The following HSD17B6 variants were observed in gnomAD, a reference collection of about 807,000 sequenced individuals.
HSD17B6 encodes the protein 17-beta-hydroxysteroid dehydrogenase type 6.
Under a neutral mutation model 26.4 loss-of-function variants are expected in HSD17B6, and 16 were observed. That is an observed-to-expected ratio of 0.61 (90% confidence interval 0.41 to 0.92). The LOEUF (loss-of-function observed/expected upper bound fraction) is 0.92. Among genes scored for constraint, HSD17B6 ranks in the 40% least tolerant of loss-of-function variants. The pLI is 0.00. For missense variants in HSD17B6, 357 were observed against 386.1 expected, an observed-to-expected ratio of 0.92 and a Z score of 0.63; for synonymous variants, 139 against 153.0, an observed-to-expected ratio of 0.91 and a Z score of 0.68.
chr12:56,787,190 A>G lies in HSD17B6; in HGVS notation c.802A>G (p.Met268Val), dbSNP rs773601449. Residue 268 changes from methionine (M) to valine (V), a missense_variant, in exon 5 of 5, where the codon ATG becomes GTG. By Grantham distance (21) the Met-to-Val change is conservative (BLOSUM62 1). Transcript: ENST00000322165. ...STNLNLVTDC[M>V]EHALTSVHPR... ...AAACCTGAACCTGGTCACTGACTGC[A>G]TGGAACATGCTCTGACATCGGTGCA... The G allele has an allele frequency of 1.2e-6, 2 of 1,614,242 alleles. No individual in the cohort carries two copies. The highest frequency in any genetic ancestry group is 1.7e-5 in the Admixed American group (1 of 60,030).
At chr12:56,767,820 TG>T (rs1954376140) in intron 1 of HSD17B6, among the ~76,000 whole-genome samples, 2 of 147,206 alleles carry the variant, frequency 1.4e-5, no homozygotes, top group South Asian at 4.2e-4. Context: ...ATAATATATA[TG>T]TGTGTATATA....
chr12:56,781,624 A>C (rs760020122), intron 2 of HSD17B6, among the ~76,000 whole-genome samples: 3 of 152,118 alleles, frequency 2.0e-5, no homozygotes, highest in Non-Finnish European at 4.4e-5. Context: ...CAACATGGTG[A>C]AACCCCATCT....
rs1386868285 is a variant in HSD17B6 at position 56,787,286 on chromosome 12, T to C, written c.898T>C (p.Ser300Pro). 6.2e-7 allele frequency: 1 copy of C among 1,614,018 alleles called. No individual in the cohort carries two copies. The highest frequency in any genetic ancestry group is 1.7e-5 in the Admixed American group (1 of 59,990). Residue 300 changes from serine (S) to proline (P), a missense_variant, in exon 5 of 5, where the codon TCA (serine) becomes CCA (proline). By Grantham distance (74) the Ser-to-Pro change is moderately conservative. Coordinates refer to ENST00000322165, the MANE Select transcript of HSD17B6 (RefSeq NM_003725.4). ...CATCCCTCTATCTTATTTACCTACATCACTGGCAGACTACATTTTGACTAG... is the reference window on the plus strand; with the variant it reads ...CATCCCTCTATCTTATTTACCTACACCACTGGCAGACTACATTTTGACTAG... ...FFIPLSYLPT[S>P]LADYILTRSW...
chr12:56,783,540 G>A (rs1334548713), intron 3 of HSD17B6, among the ~76,000 whole-genome samples: 3 of 143,656 alleles, frequency 2.1e-5, no homozygotes, highest in Non-Finnish European at 4.6e-5. Flanking sequence ...CGGGCGGGGG[G>A]CTGAACCCCC....
At chr12:56,764,706 A>G (rs1954284886) in intron 1 of HSD17B6, among the ~76,000 whole-genome samples, 1 of 152,218 alleles carries the variant, frequency 6.6e-6, no homozygotes, top group African/African-American at 2.4e-5. Context: ...CCCATTTTGA[A>G]CACGAGCACA....
chr12:56,774,029 G>C lies in HSD17B6; in HGVS notation c.177G>C (p.Ala59=). The part of the protein sequence containing the change: ...LDARGLRVLA[A]CLTEKGAEQL... Reference sequence around the variant, plus strand: ...CACGAGGCTTGAGAGTGCTGGCTGCGTGTCTGACGGAGAAGGGGGCCGAGC... The same window carrying C: ...CACGAGGCTTGAGAGTGCTGGCTGCCTGTCTGACGGAGAAGGGGGCCGAGC... The change falls in exon 2 of 5, where the codon GCG becomes GCC. Residue 59 remains alanine, a synonymous_variant. Transcript: ENST00000322165. 1.2e-6 allele frequency: 2 copies of C among 1,614,138 alleles called. No homozygotes were observed. The highest frequency in any genetic ancestry group is 1.7e-6 in the Non-Finnish European group (2 of 1,180,010).
chr12:56,763,638 T>C (rs927634879), intron 1 of HSD17B6, among the ~76,000 whole-genome samples: 1 of 152,090 alleles, frequency 6.6e-6, no homozygotes, highest in Non-Finnish European at 1.5e-5. Flanking sequence ...GGGAGAGTAC[T>C]GGTTACAAGT....
intron 1 of HSD17B6, among the ~76,000 whole-genome samples, chr12:56,764,009 C>G (rs1954263667): frequency 8.2e-6 from 1 of 121,888 alleles, no homozygotes; most frequent in African/African-American, 3.2e-5. Flanking sequence ...GTCGAGGCTA[C>G]AGTGAGCTGT....
In HSD17B6 at chr12:56,784,296, A is replaced by T. The variant is rs552036310; in HGVS notation, c.573-557A>T. On this transcript the variant is annotated intron_variant, in intron 3 of 4. Coordinates refer to ENST00000322165, the MANE Select transcript of HSD17B6 (RefSeq NM_003725.4). ...GGGTGGCAGCCGGGCAGAGGCTGCA[A>T]TCTCGGCATTTTGGGAGGCCAAGGC... is the stretch of plus-strand genomic sequence containing the variant. 2.2e-4 allele frequency among the ~76,000 whole-genome samples: 34 copies of T among 152,058 alleles called. 1 individual carries two copies. In the East Asian group the frequency reaches 2.9e-3, roughly 13 times the overall value.
rs551956172 is a variant in HSD17B6, at chr12:56,776,885, C to T, written c.313+2720C>T. 2.0e-4 allele frequency among the ~76,000 whole-genome samples: 31 copies of T among 152,158 alleles called. 1 individual carries two copies. Among genetic ancestry groups the T allele is most frequent in the Middle Eastern group, 6.3e-3 (2 of 316 alleles). ...TGTATGTACCACAGTTTATCATTCA[C>T]CTATTGAAGGACATCTTGGTTGTTT... On this transcript the variant is annotated intron_variant, in intron 2 of 4. Coordinates refer to ENST00000322165, the MANE Select transcript of HSD17B6 (RefSeq NM_003725.4).
At chr12:56,777,382 GAAAT>G (rs1214506842) in intron 2 of HSD17B6, among the ~76,000 whole-genome samples, 1 of 59,692 alleles carries the variant, frequency 1.7e-5, no homozygotes, top group Non-Finnish European at 3.1e-5. Flanking sequence ...TTTTTTTTTG[GAAAT>G]GGAGTTTTGC....
At chr12:56,765,082 C>T (rs1954292947) in intron 1 of HSD17B6, among the ~76,000 whole-genome samples, 2 of 152,070 alleles carry the variant, frequency 1.3e-5, no homozygotes, top group African/African-American at 4.8e-5. Flanking sequence ...GCCTCGCATC[C>T]CAAAGTTCTG....
intron 1 of HSD17B6, 118 bp from the exon 2 acceptor site, chr12:56,773,716 G>C: frequency 2.1e-6 from 2 of 968,900 alleles, no homozygotes; most frequent in Non-Finnish European, 2.9e-6. Flanking sequence ...GTAGGACTAA[G>C]TATTAATCAA....
At chr12:56,769,931 G>C (rs1954433733) in intron 1 of HSD17B6, among the ~76,000 whole-genome samples, 2 of 152,192 alleles carry the variant, frequency 1.3e-5, no homozygotes, top group Non-Finnish European at 2.9e-5. Flanking sequence ...GGGAAACTGT[G>C]AGGGCCAAGC....
intron 2 of HSD17B6, among the ~76,000 whole-genome samples, chr12:56,780,625 G>T (rs1214759954): frequency 6.6e-6 from 1 of 152,038 alleles, no homozygotes; most frequent in Non-Finnish European, 1.5e-5. Context: ...TTGGGAGGCC[G>T]AGGCGGGCAG....
At chr12:56,785,875 C>A (rs141931525) in intron 4 of HSD17B6, 2 of 855,326 alleles carry the variant, frequency 2.3e-6, no homozygotes, top group African/African-American at 1.8e-5. Context: ...ATGGGCCATT[C>A]CCTGAGGCTA....
intron 1 of HSD17B6, among the ~76,000 whole-genome samples, chr12:56,767,504 A>G (rs1000770468): frequency 6.6e-6 from 1 of 150,446 alleles, no homozygotes; most frequent in African/African-American, 2.4e-5. Context: ...GGACAGAGCG[A>G]GACTCCCTCT....
chr12:56,781,697 G>T (rs1041884595), intron 2 of HSD17B6, among the ~76,000 whole-genome samples: 2 of 152,204 alleles, frequency 1.3e-5, no homozygotes, highest in African/African-American at 4.8e-5. Flanking sequence ...AGCTACTTGG[G>T]AGGCTGAGGG....
chr12:56,784,755 G>A (rs1954837709), intron 3 of HSD17B6, 98 bp from the exon 4 acceptor site: 1 of 1,217,442 alleles, frequency 8.2e-7, no homozygotes, highest in Non-Finnish European at 1.2e-6. Context: ...AAAATATTCA[G>A]TAAAGGTATT....
Sources: allele counts gnomAD v4.1 joint callset (sites outside exome capture counted in the v4.1 genomes callset), GRCh38; gene constraint gnomAD v4.1.1; transcripts MANE v1.5; gene names NCBI Gene and HGNC (gene_info 2026-07-23, HGNC 2026-07-21).